The following KCTD16 variants were observed in gnomAD, a reference collection of about 807,000 sequenced individuals.
KCTD16 encodes the protein potassium channel tetramerization domain containing 16.
A neutral mutation model predicts 33.2 loss-of-function variants in KCTD16; 13 were observed. The ratio of observed to expected loss-of-function variants is 0.39; its 90% CI spans 0.25 to 0.62. KCTD16 has a LOEUF of 0.62. KCTD16 is among the 20% of genes least tolerant of loss of function. The pLI is 0.50. For synonymous variants in KCTD16, 197 were observed against 195.3 expected (o/e 1.01, Z -0.07); for missense variants, 441 against 525.1 (o/e 0.84, Z 1.57).
At chr5:144,328,294 G>T (rs546074716) in intron 3 of KCTD16, among the ~76,000 whole-genome samples, 22 of 152,250 alleles carry the variant, frequency 1.4e-4, no homozygotes, top group African/African-American at 5.3e-4. Flanking sequence ...GACAATTCAT[G>T]GAAAGGTGCA....
At chr5:144,210,172 G>A (rs994021518) in intron 3 of KCTD16, among the ~76,000 whole-genome samples, 1 of 152,132 alleles carries the variant, frequency 6.6e-6, no homozygotes, top group Admixed American at 6.6e-5. Flanking sequence ...CCATGAATAA[G>A]TTAGATTCTT....
At chr5:144,204,556 G>C (rs1753116755) in intron 2 of KCTD16, among the ~76,000 whole-genome samples, 1 of 152,138 alleles carries the variant, frequency 6.6e-6, no homozygotes, top group South Asian at 2.1e-4. Flanking sequence ...AGTCCTCTTG[G>C]GATGACTTGG....
chr5:144,378,844 C>A (rs761898962), intron 3 of KCTD16, among the ~76,000 whole-genome samples: 2 of 152,162 alleles, frequency 1.3e-5, no homozygotes, highest in Non-Finnish European at 2.9e-5. Flanking sequence ...TGCTTCACTG[C>A]ATATAGACAG....
chr5:144,387,970 A>G (rs567939715), intron 3 of KCTD16, among the ~76,000 whole-genome samples: 1 of 151,228 alleles, frequency 6.6e-6, no homozygotes, highest in South Asian at 2.1e-4. Context: ...TACTGATTTC[A>G]TTAATTTTTT....
At chr5:144,247,746 A>T (rs950179874) in intron 3 of KCTD16, among the ~76,000 whole-genome samples, 1 of 152,214 alleles carries the variant, frequency 6.6e-6, no homozygotes, top group African/African-American at 2.4e-5. Context: ...ACTGCTGATT[A>T]TGAACACACT....
intron 3 of KCTD16, among the ~76,000 whole-genome samples, chr5:144,448,479 A>G (rs1283147521): frequency 6.6e-6 from 1 of 151,946 alleles, no homozygotes; most frequent in Non-Finnish European, 1.5e-5. Flanking sequence ...ACTGACCAGG[A>G]CCTCTACAGC....
intron 3 of KCTD16, among the ~76,000 whole-genome samples, chr5:144,276,707 C>G (rs1056606538): frequency 6.6e-6 from 1 of 152,054 alleles, no homozygotes; most frequent in Non-Finnish European, 1.5e-5. Flanking sequence ...AGTTCAAGAC[C>G]TGCCTGGCCA....
chr5:144,347,176 G>A (rs576162402), intron 3 of KCTD16, among the ~76,000 whole-genome samples: 5 of 152,284 alleles, frequency 3.3e-5, no homozygotes, highest in East Asian at 3.9e-4. Flanking sequence ...CATTGAGCAC[G>A]TAAGCTGTGG....
chr5:144,462,212 AT>A (rs1343526096), intron 3 of KCTD16, among the ~76,000 whole-genome samples: 3 of 150,984 alleles, frequency 2.0e-5, no homozygotes, highest in African/African-American at 7.3e-5. Flanking sequence ...TTGTAATTGC[AT>A]TTCTTTGTCT....
At chr5:144,435,527 A>C (rs1007114409) in intron 3 of KCTD16, among the ~76,000 whole-genome samples, 1 of 152,208 alleles carries the variant, frequency 6.6e-6, no homozygotes, top group African/African-American at 2.4e-5. Context: ...CCTTTTAAGG[A>C]ATATTGTGTT....
chr5:144,209,727 T>G (rs1297434759), intron 3 of KCTD16, among the ~76,000 whole-genome samples: 1 of 150,934 alleles, frequency 6.6e-6, no homozygotes, highest in Non-Finnish European at 1.5e-5. Flanking sequence ...AGAAGGGAGT[T>G]GGCTGCATGC....
intron 3 of KCTD16, among the ~76,000 whole-genome samples, chr5:144,346,914 C>G (rs1561575696): frequency 1.3e-5 from 2 of 152,196 alleles, no homozygotes; most frequent in South Asian, 4.1e-4. Flanking sequence ...TTTCCATACT[C>G]AAGAAATCTT....
chr5:144,321,085 C>T (rs1399957012), intron 3 of KCTD16, among the ~76,000 whole-genome samples: 1 of 152,112 alleles, frequency 6.6e-6, no homozygotes, highest in Non-Finnish European at 1.5e-5. Context: ...GAACTCCTGA[C>T]TTCAAGTGAT....
chr5:144,184,256 C>T (rs543673174), intron 2 of KCTD16, among the ~76,000 whole-genome samples: 1 of 152,252 alleles, frequency 6.6e-6, no homozygotes, highest in African/African-American at 2.4e-5. Flanking sequence ...ACTTCCCACC[C>T]CAGCTCTGGC....
intron 3 of KCTD16, among the ~76,000 whole-genome samples, chr5:144,218,442 T>C (rs1753631426): frequency 6.6e-6 from 1 of 152,180 alleles, no homozygotes; most frequent in Admixed American, 6.5e-5. Flanking sequence ...TTAGGAAAAC[T>C]TTAAGATTAT....
chr5:144,180,818 T>A (rs190435823), intron 2 of KCTD16, among the ~76,000 whole-genome samples: 128 of 152,368 alleles, frequency 8.4e-4, no homozygotes, highest in African/African-American at 2.3e-3. Context: ...TATTACCATT[T>A]CTACATCATC....
At chr5:144,260,347 T>C (rs1194990623) in intron 3 of KCTD16, among the ~76,000 whole-genome samples, 1 of 152,184 alleles carries the variant, frequency 6.6e-6, no homozygotes, top group Non-Finnish European at 1.5e-5. Flanking sequence ...TCTGAGCAGC[T>C]AGAAGGGGCC....
chr5:144,354,924 A>G (rs1751539010), intron 3 of KCTD16, among the ~76,000 whole-genome samples: 1 of 152,208 alleles, frequency 6.6e-6, no homozygotes, highest in South Asian at 2.1e-4. Flanking sequence ...ATGGCATTAT[A>G]GCTAATAATA....
At chr5:144,449,989 C>T (rs868496572) in intron 3 of KCTD16, among the ~76,000 whole-genome samples, 32 of 151,926 alleles carry the variant, frequency 2.1e-4, no homozygotes, top group African/African-American at 6.3e-4. Flanking sequence ...GCAAAGGAAA[C>T]GATTAGCAGA....
Sources: allele counts gnomAD v4.1 joint callset (sites outside exome capture counted in the v4.1 genomes callset), GRCh38; gene constraint gnomAD v4.1.1; transcripts MANE v1.5; gene names NCBI Gene and HGNC (gene_info 2026-07-23, HGNC 2026-07-21).